COBLL1: variants seen among roughly 807,000 people sequenced by gnomAD.
The protein encoded by COBLL1 is cordon-bleu WH2 repeat protein like 1.
COBLL1 carries 50 observed loss-of-function variants against 94.8 expected under a neutral mutation model. That is an observed-to-expected ratio of 0.53 (90% CI 0.42 to 0.67). COBLL1 has a LOEUF of 0.67. Ranked by LOEUF, COBLL1 falls within the 30% of genes least tolerant of loss-of-function variation. The probability of loss-of-function intolerance (pLI) is 0.00; values close to 1 mark genes in which losing one functional copy is unlikely to be tolerated. For synonymous variants in COBLL1, 448 were observed against 473.8 expected, an observed-to-expected ratio of 0.95 and a Z score of 0.71; for missense variants, 1,362 against 1,348.7, an observed-to-expected ratio of 1.01 and a Z score of -0.15.
intron 1 of COBLL1, among the ~76,000 whole-genome samples, chr2:164,674,389 CAACA>C (rs1284425228): frequency 1.3e-5 from 2 of 152,060 alleles, no homozygotes; most frequent in African/African-American, 4.8e-5. Flanking sequence ...TGCATTCTTT[CAACA>C]AACATTTATT....
chr2:164,754,284 A>G (rs1222476794), intron 2 of COBLL1, among the ~76,000 whole-genome samples: 2 of 152,202 alleles, frequency 1.3e-5, no homozygotes, highest in East Asian at 1.9e-4. Context: ...ATGATGTCCA[A>G]TGACTGCTTC....
chr2:164,695,751 T>G lies in COBLL1; in HGVS notation c.1641A>C (p.Glu547Asp). Residue 547 changes from glutamate (E) to aspartate (D), a missense_variant, in exon 12 of 14, where the codon GAA becomes GAC. Glu to Asp is a conservative substitution (Grantham distance 45). Transcript: ENST00000652658. The stretch of plus-strand genomic sequence containing the variant: ...CAATGTTGTTATTTTTGGCAACACC[T>G]TCTACATTGATTTCTGTTTTCTTCA... ...NGVKKTEINV[E>D]GVAKNNNIDM... 1 of 1,613,390 alleles carries G rather than the reference T, an allele frequency of 6.2e-7. No homozygotes were observed. The highest frequency in any genetic ancestry group is 2.2e-5 in the East Asian group (1 of 44,858).
chr2:164,734,860 T>C (rs1264690448), intron 3 of COBLL1, among the ~76,000 whole-genome samples: 1 of 152,164 alleles, frequency 6.6e-6, no homozygotes, highest in Non-Finnish European at 1.5e-5. Context: ...CTGGTAGCCT[T>C]GGGAGGTGTC....
chr2:164,832,708 T>A (rs1168740305), intron 2 of COBLL1, among the ~76,000 whole-genome samples: 1 of 152,172 alleles, frequency 6.6e-6, no homozygotes, highest in Non-Finnish European at 1.5e-5. Context: ...AAATAATAAT[T>A]GTTTATATTA....
intron 9 of COBLL1, among the ~76,000 whole-genome samples, chr2:164,701,075 C>T (rs1363857390): frequency 1.3e-5 from 2 of 152,110 alleles, no homozygotes; most frequent in South Asian, 4.1e-4. Flanking sequence ...GGTTTTTACA[C>T]TCATCCAGCA....
At chr2:164,796,856 T>C (rs779131989) in intron 2 of COBLL1, among the ~76,000 whole-genome samples, 6 of 152,054 alleles carry the variant, frequency 3.9e-5, no homozygotes, top group Non-Finnish European at 7.4e-5. Context: ...ACACCTGTAG[T>C]CCTAGCTACT....
intron 9 of COBLL1, among the ~76,000 whole-genome samples, chr2:164,701,894 GGA>G (rs1684285567): frequency 6.7e-6 from 1 of 148,290 alleles, no homozygotes; most frequent in African/African-American, 2.6e-5. Flanking sequence ...GGATGTGGTG[GGA>G]GGGGGGGGCG....
At chr2:164,705,434 A>G (rs1177164124) in intron 7 of COBLL1, 1 of 183,482 alleles carries the variant, frequency 5.5e-6, no homozygotes, top group Admixed American at 6.2e-5. Context: ...AAAGGAAGGG[A>G]TGAAAAAGGG....
chr2:164,805,351 A>ATATATT (rs1684084787), intron 2 of COBLL1, among the ~76,000 whole-genome samples: 1 of 112,236 alleles, frequency 8.9e-6, no homozygotes, highest in Non-Finnish European at 1.8e-5. Context: ...ATATATATAT[A>ATATATT]TATATATATA....
chr2:164,716,293 G>A (rs1276100691), intron 7 of COBLL1, among the ~76,000 whole-genome samples: 1 of 152,070 alleles, frequency 6.6e-6, no homozygotes, highest in Non-Finnish European at 1.5e-5. Flanking sequence ...AAGAATATAT[G>A]TTATATGGTT....
Position 164,825,118 on chromosome 2 carries a change from T to A in COBLL1, c.41+16038A>T, listed in dbSNP as rs563775844. Among the ~76,000 whole-genome samples the A allele has an allele frequency of 4.6e-5, 7 of 152,336 alleles. No individual in the cohort carries two copies. In the South Asian group the frequency reaches 1.5e-3, roughly 32 times the overall value. Reference sequence around the variant, plus strand: ...TGTGACCATTAAATATAGCAACATGTCATGCATTTAGCACAGTACCTGGTG... The same window carrying A: ...TGTGACCATTAAATATAGCAACATGACATGCATTTAGCACAGTACCTGGTG... On this transcript the variant is annotated intron_variant, in intron 2 of 13. Coordinates refer to ENST00000652658, the MANE Select transcript of COBLL1 (RefSeq NM_001365672.2).
At chr2:164,752,223 C>A (rs1396596) in intron 2 of COBLL1, among the ~76,000 whole-genome samples, 2,446 of 152,270 alleles carry the variant, frequency 0.016, 26 homozygotes, top group South Asian at 0.027. Flanking sequence ...CGTGTCCTTA[C>A]TACACTATAT....
intron 2 of COBLL1, among the ~76,000 whole-genome samples, chr2:164,769,445 C>A (rs755974865): frequency 7.9e-5 from 12 of 152,150 alleles, no homozygotes; most frequent in Non-Finnish European, 1.3e-4. Flanking sequence ...GGTGGTTTGG[C>A]AACTCTACCA....
At chr2:164,737,317 A>G (rs1193696980) in intron 3 of COBLL1, among the ~76,000 whole-genome samples, 2 of 152,152 alleles carry the variant, frequency 1.3e-5, no homozygotes, top group Non-Finnish European at 2.9e-5. Flanking sequence ...CCCTTTCCCA[A>G]CCAGGGGAGC....
At chr2:164,747,465 G>A (rs978702495) in intron 2 of COBLL1, among the ~76,000 whole-genome samples, 1 of 152,024 alleles carries the variant, frequency 6.6e-6, no homozygotes, top group African/African-American at 2.4e-5. Flanking sequence ...AGGACAAAGC[G>A]CTACTTGAAA....
At chr2:164,744,813 A>G (rs1399629449) in intron 2 of COBLL1, among the ~76,000 whole-genome samples, 8 of 152,186 alleles carry the variant, frequency 5.3e-5, no homozygotes, top group African/African-American at 1.9e-4. Flanking sequence ...TTTCTAATAA[A>G]TATTTTTGCA....
At chr2:164,833,597 C>A (rs1410888542) in intron 2 of COBLL1, among the ~76,000 whole-genome samples, 1 of 151,884 alleles carries the variant, frequency 6.6e-6, no homozygotes, top group South Asian at 2.1e-4. Flanking sequence ...ATTACAGGCG[C>A]CCGCCACCAC....
intron 12 of COBLL1, among the ~76,000 whole-genome samples, chr2:164,693,038 T>G (rs1683700079): frequency 6.6e-6 from 1 of 152,144 alleles, no homozygotes; most frequent in African/African-American, 2.4e-5. Flanking sequence ...CAGGAAGGAA[T>G]ATTTAGTAAC....
chr2:164,775,812 C>A (rs1038376336), intron 2 of COBLL1, among the ~76,000 whole-genome samples: 53 of 152,200 alleles, frequency 3.5e-4, no homozygotes, highest in African/African-American at 1.2e-3. Context: ...AAAGATACCC[C>A]AAGTTGTATA....
Sources: gnomAD v4.1 joint callset for allele counts (sites outside exome capture counted in the v4.1 genomes callset) on GRCh38, gnomAD v4.1.1 for gene constraint, MANE v1.5 for transcripts, NCBI Gene and HGNC (gene_info 2026-07-23, HGNC 2026-07-21) for gene names.